Variants in KCNN3 observed in about 807,000 individuals in gnomAD.
KCNN3 encodes potassium calcium-activated channel subfamily N member 3, also known as small conductance calcium-activated potassium channel protein 3.
A neutral mutation model predicts 62.9 loss-of-function variants in KCNN3; 16 were observed. The ratio of observed to expected loss-of-function variants is 0.25; its 90% CI spans 0.17 to 0.39. KCNN3 has a LOEUF of 0.39. Among genes scored for constraint, KCNN3 ranks in the 10% least tolerant of loss-of-function variants. The pLI is 1.00. For missense variants in KCNN3, 599 were observed against 949.4 expected (o/e 0.63, Z 4.85); for synonymous variants, 370 against 389.2 (o/e 0.95, Z 0.58).
At chr1:154,739,221 C>T (rs957902817) in intron 3 of KCNN3, among the ~76,000 whole-genome samples, 1 of 152,166 alleles carries the variant, frequency 6.6e-6, no homozygotes, top group Non-Finnish European at 1.5e-5. Flanking sequence ...AGTGTATGCA[C>T]ATGTAACTTT....
At chr1:154,832,238 G>A (rs1651403996) in intron 1 of KCNN3, among the ~76,000 whole-genome samples, 1 of 151,548 alleles carries the variant, frequency 6.6e-6, no homozygotes, top group African/African-American at 2.4e-5. Context: ...TGGAATGTGA[G>A]TGCTCTTGGC....
Position 154,772,168 on chromosome 1 carries a change from C to G in KCNN3, c.1255G>C (p.Ala419Pro). ...IPMFLRLYLI[A>P]RVMLLHSKLF... ...TTGCTGTGCAGCAGCATGACTCGGG[C>G]GATCAGGTACAGGCGCAGGAACATG... The change falls in exon 3 of 8, where the codon GCC becomes CCC. Residue 419 changes from alanine (A) to proline (P), a missense_variant. Physicochemically the swap from Ala to Pro is conservative, Grantham distance 27. This residue lies in a region of KCNN3 where 288 missense variants were observed against 557.4 expected (regional missense o/e 0.52). Coordinates refer to ENST00000271915, the MANE Select transcript of KCNN3 (RefSeq NM_002249.6). This position sits in a 1 kb window ranked among gnomAD's most constrained non-coding sequence, Gnocchi z 5.6. 6.2e-7 allele frequency: 1 copy of G among 1,614,162 alleles called. No individual in the cohort carries two copies. Among genetic ancestry groups the G allele is most frequent in the Non-Finnish European group, 8.5e-7 (1 of 1,180,044 alleles).
intron 7 of KCNN3, among the ~76,000 whole-genome samples, chr1:154,712,116 G>C (rs1325398382): frequency 2.6e-5 from 4 of 152,174 alleles, no homozygotes; most frequent in Non-Finnish European, 4.4e-5. Flanking sequence ...GAAATGGTGA[G>C]AGACCTCCTG....
At chr1:154,829,664 G>A (rs996789695) in intron 1 of KCNN3, among the ~76,000 whole-genome samples, 2 of 152,150 alleles carry the variant, frequency 1.3e-5, no homozygotes, top group Admixed American at 6.5e-5. Flanking sequence ...ACCTAGACCC[G>A]AGAGCAGGTG....
intron 1 of KCNN3, among the ~76,000 whole-genome samples, chr1:154,823,727 AG>A (rs1650996279): frequency 6.6e-6 from 1 of 152,232 alleles, no homozygotes; most frequent in Non-Finnish European, 1.5e-5. Context: ...CAGTAGAGCT[AG>A]GGGAGCTCAA....
intron 1 of KCNN3, among the ~76,000 whole-genome samples, chr1:154,854,121 G>A (rs1652418246): frequency 6.6e-6 from 1 of 152,014 alleles, no homozygotes; most frequent in African/African-American, 2.4e-5. Flanking sequence ...TGTGGTCCCA[G>A]CTACTCGGGA....
intron 1 of KCNN3, among the ~76,000 whole-genome samples, chr1:154,827,359 G>C (rs889174128): frequency 1.3e-5 from 2 of 152,030 alleles, no homozygotes; most frequent in African/African-American, 2.4e-5. Flanking sequence ...GAGACCTGAG[G>C]CTTCTTTCCC....
At chr1:154,814,812 T>C (rs1195362709) in intron 2 of KCNN3, among the ~76,000 whole-genome samples, 1 of 152,206 alleles carries the variant, frequency 6.6e-6, no homozygotes, top group African/African-American at 2.4e-5. Flanking sequence ...TCTCCCTTTC[T>C]TTCTAGCCCC....
intron 2 of KCNN3, among the ~76,000 whole-genome samples, chr1:154,814,845 AG>A (rs1650591930): frequency 6.6e-6 from 1 of 152,214 alleles, no homozygotes; most frequent in African/African-American, 2.4e-5. Context: ...TGGGCCAGGC[AG>A]GAGGCCGAGG....
At chr1:154,785,076 GT>G (rs1308347093) in intron 2 of KCNN3, among the ~76,000 whole-genome samples, 1 of 152,344 alleles carries the variant, frequency 6.6e-6, no homozygotes, top group East Asian at 1.9e-4. Flanking sequence ...GGAGTCAAAG[GT>G]TTCTGTGCAT....
intron 2 of KCNN3, among the ~76,000 whole-genome samples, chr1:154,789,353 T>G (rs1384428512): frequency 6.6e-6 from 1 of 152,116 alleles, no homozygotes; most frequent in East Asian, 1.9e-4. Flanking sequence ...TTTAACCACA[T>G]CCTGCAAAGT....
intron 2 of KCNN3, among the ~76,000 whole-genome samples, chr1:154,776,582 T>C (rs1424257155): frequency 1.3e-5 from 2 of 152,166 alleles, no homozygotes; most frequent in Non-Finnish European, 2.9e-5. Context: ...GCTTCCTTCC[T>C]TCTGACCCTT....
At chr1:154,745,378 T>G (rs549587541) in intron 3 of KCNN3, among the ~76,000 whole-genome samples, 28 of 152,336 alleles carry the variant, frequency 1.8e-4, no homozygotes, top group Non-Finnish European at 2.9e-4. Context: ...AGAGTTTGGT[T>G]GGTGTGGCTT....
chr1:154,854,818 T>C (rs1226609025), intron 1 of KCNN3, among the ~76,000 whole-genome samples: 1 of 152,214 alleles, frequency 6.6e-6, no homozygotes, highest in East Asian at 1.9e-4. Flanking sequence ...TAAATAAATA[T>C]TTCTAAAATG....
At position 154,702,700 on chromosome 1, in the gene KCNN3, G is replaced by GATATAT. The variant is rs67091748; in HGVS notation, c.*5270_*5275dup. 71 of 43,066 alleles carry GATATAT rather than the reference G, an allele frequency of 1.6e-3. 2 individuals are homozygous for GATATAT. Among genetic ancestry groups the GATATAT allele is most frequent in the East Asian group, 3.4e-3 (2 of 594 alleles). 2.7% of individuals were successfully genotyped at this position (43,066 alleles called of 1,614,324 possible). The stretch of plus-strand genomic sequence containing the variant: ...ACGTTGGCTGCTTCGATCTGATTCA[G>GATATAT]ATATATATATATATATATATATATA... On this transcript the variant is annotated 3_prime_UTR_variant, in exon 8 of 8. Coordinates refer to ENST00000271915, the MANE Select transcript of KCNN3 (RefSeq NM_002249.6).
At chr1:154,793,553 G>T (rs1211713651) in intron 2 of KCNN3, among the ~76,000 whole-genome samples, 2 of 152,124 alleles carry the variant, frequency 1.3e-5, no homozygotes, top group East Asian at 3.8e-4. Context: ...AATGCAAACT[G>T]CAAAGTAGCA....
intron 3 of KCNN3, among the ~76,000 whole-genome samples, chr1:154,743,302 G>A (rs1700865425): frequency 6.6e-6 from 1 of 152,190 alleles, no homozygotes; most frequent in African/African-American, 2.4e-5. Flanking sequence ...CCCTGCTTCT[G>A]CCTGGGCGAC....
chr1:154,813,458 G>A (rs564514194), intron 2 of KCNN3, among the ~76,000 whole-genome samples: 19 of 152,074 alleles, frequency 1.2e-4, no homozygotes, highest in South Asian at 4.2e-4. Flanking sequence ...GGGAGGAGGC[G>A]TGGGAGGCCA....
intron 1 of KCNN3, among the ~76,000 whole-genome samples, chr1:154,842,604 T>A (rs1269278084): frequency 1.3e-5 from 2 of 149,652 alleles, no homozygotes; most frequent in Admixed American, 1.3e-4. Context: ...CAGAATCTGG[T>A]TTCCCTCCTG....
Sources: allele counts gnomAD v4.1 joint callset (sites outside exome capture counted in the v4.1 genomes callset), GRCh38; gene constraint gnomAD v4.1.1; regional missense constraint gnomAD v4.1.1; non-coding constraint Gnocchi (gnomAD v3.1); transcripts MANE v1.5; gene names NCBI Gene and HGNC (gene_info 2026-07-23, HGNC 2026-07-21).